PDGFRL: variants seen among roughly 807,000 people sequenced by gnomAD.
The protein encoded by PDGFRL is platelet derived growth factor receptor like, also known as platelet-derived growth factor receptor-like protein.
A neutral mutation model predicts 37.2 loss-of-function variants in PDGFRL; 46 were observed. The ratio of observed to expected loss-of-function variants is 1.24; its 90% CI spans 0.98 to 1.58. The LOEUF is 1.58. Among genes scored for constraint, PDGFRL ranks in the 40% most tolerant of loss-of-function variants. PDGFRL has a pLI of 0.00. For synonymous variants in PDGFRL, 251 were observed against 184.3 expected, an observed-to-expected ratio of 1.36 and a Z score of -2.93; for missense variants, 692 against 467.6, an observed-to-expected ratio of 1.48 and a Z score of -4.43.
intron 3 of PDGFRL, among the ~76,000 whole-genome samples, chr8:17,627,183 A>T (rs1804751058): frequency 6.6e-6 from 1 of 152,192 alleles, no homozygotes; most frequent in Admixed American, 6.5e-5. Flanking sequence ...CAAGCAGCAG[A>T]TGGTTTCAAG....
chr8:17,579,270 A>G (rs1554548077), intron 1 of PDGFRL, among the ~76,000 whole-genome samples: 1 of 152,200 alleles, frequency 6.6e-6, no homozygotes, highest in Non-Finnish European at 1.5e-5. Context: ...TAGTGAACAC[A>G]CAGTGCTTCA....
At chr8:17,632,758 C>T (rs1804889005) in intron 4 of PDGFRL, among the ~76,000 whole-genome samples, 1 of 152,098 alleles carries the variant, frequency 6.6e-6, no homozygotes, top group Non-Finnish European at 1.5e-5. Context: ...ATCCAGGTCT[C>T]ACTCCTCCCT....
At chr8:17,612,116 G>C (rs2129722728) in intron 2 of PDGFRL, among the ~76,000 whole-genome samples, 1 of 152,202 alleles carries the variant, frequency 6.6e-6, no homozygotes, top group Admixed American at 6.5e-5. Flanking sequence ...CCATTAATCA[G>C]AACAAAATAA....
At chr8:17,590,973 C>T (rs527494440) in intron 2 of PDGFRL, among the ~76,000 whole-genome samples, 8 of 151,594 alleles carry the variant, frequency 5.3e-5, no homozygotes, top group Non-Finnish European at 1.2e-4. Context: ...AGCTCCGCCT[C>T]CCGGGTTCAC....
At chr8:17,583,834 A>T (rs1803759822) in intron 1 of PDGFRL, among the ~76,000 whole-genome samples, 1 of 152,138 alleles carries the variant, frequency 6.6e-6, no homozygotes, top group South Asian at 2.1e-4. Flanking sequence ...ATCTCTGCAT[A>T]TACCTATTCT....
At chr8:17,635,283 C>T (rs1351910890) in intron 5 of PDGFRL, among the ~76,000 whole-genome samples, 5 of 151,762 alleles carry the variant, frequency 3.3e-5, no homozygotes, top group African/African-American at 1.2e-4. Flanking sequence ...TATCTCTCAC[C>T]CCTCCCCCCA....
At chr8:17,609,091 A>G (rs1459449504) in intron 2 of PDGFRL, among the ~76,000 whole-genome samples, 1 of 152,202 alleles carries the variant, frequency 6.6e-6, no homozygotes, top group Non-Finnish European at 1.5e-5. Flanking sequence ...ATATAGTGCT[A>G]CACCCTGTGG....
intron 2 of PDGFRL, among the ~76,000 whole-genome samples, chr8:17,600,469 A>G (rs1324641331): frequency 6.6e-6 from 1 of 152,072 alleles, no homozygotes; most frequent in Non-Finnish European, 1.5e-5. Flanking sequence ...TCTGAGCTCC[A>G]GACTGAGCTA....
At chr8:17,619,916 G>A (rs1308748676) in intron 2 of PDGFRL, among the ~76,000 whole-genome samples, 1 of 152,116 alleles carries the variant, frequency 6.6e-6, no homozygotes, top group East Asian at 1.9e-4. Context: ...TTTCCTTTGA[G>A]GAGAGGCTTT....
chr8:17,585,209 G>C (rs755522552), intron 1 of PDGFRL, among the ~76,000 whole-genome samples: 4 of 152,154 alleles, frequency 2.6e-5, no homozygotes, highest in Non-Finnish European at 5.9e-5. Flanking sequence ...GATTTGGCCA[G>C]ATTCTTTACC....
chr8:17,639,041 T>G (rs1805038947), intron 5 of PDGFRL, among the ~76,000 whole-genome samples: 1 of 151,518 alleles, frequency 6.6e-6, no homozygotes, highest in Non-Finnish European at 1.5e-5. Flanking sequence ...AGAGTGAGAC[T>G]CTGTCTCAAA....
At chr8:17,625,598 A>C (rs1243936743) in intron 3 of PDGFRL, among the ~76,000 whole-genome samples, 2 of 152,250 alleles carry the variant, frequency 1.3e-5, no homozygotes, top group African/African-American at 2.4e-5. Context: ...GTTATTGTTG[A>C]TGGAAGCTAC....
chr8:17,635,457 A>T (rs10103415), intron 5 of PDGFRL, among the ~76,000 whole-genome samples: 8,852 of 152,252 alleles, frequency 0.058, 688 homozygotes, highest in African/African-American at 0.18. Context: ...AAATGCCATT[A>T]TTTAATTCCT....
At chr8:17,591,278 C>T (rs1020673004) in intron 2 of PDGFRL, among the ~76,000 whole-genome samples, 6 of 152,090 alleles carry the variant, frequency 3.9e-5, no homozygotes, top group African/African-American at 1.4e-4. Context: ...TGAATGAGTA[C>T]CTTCAGGAGG....
At chr8:17,634,753 G>T (rs998622124) in intron 5 of PDGFRL, among the ~76,000 whole-genome samples, 1 of 152,138 alleles carries the variant, frequency 6.6e-6, no homozygotes, top group Non-Finnish European at 1.5e-5. Context: ...TCACTTTTAA[G>T]TGGGAGCTAA....
intron 1 of PDGFRL, among the ~76,000 whole-genome samples, chr8:17,586,263 G>GT (rs1803814310): frequency 6.6e-6 from 1 of 152,150 alleles, no homozygotes; most frequent in Admixed American, 6.5e-5. Flanking sequence ...TGGAGATGAG[G>GT]TTTTGACCAA....
At chr8:17,587,878 C>T (rs115301250) in intron 1 of PDGFRL, among the ~76,000 whole-genome samples, 1,853 of 152,194 alleles carry the variant, frequency 0.012, 40 homozygotes, top group African/African-American at 0.041. Flanking sequence ...GATCCACCTG[C>T]GTTGGCCTCC....
chr8:17,578,534 G>A (rs565693372), intron 1 of PDGFRL, among the ~76,000 whole-genome samples: 6 of 152,314 alleles, frequency 3.9e-5, no homozygotes, highest in Admixed American at 3.9e-4. Flanking sequence ...TTTGTAAAAT[G>A]CAATATTAAA....
chr8:17,577,115 C>G (rs1189087226), upstream of PDGFRL: 7 of 1,208,118 alleles, frequency 5.8e-6, no homozygotes, highest in African/African-American at 7.4e-5. Flanking sequence ...CTTTTTCCCC[C>G]AAACCTTGTT....
Sources: gnomAD v4.1 joint callset for allele counts (sites outside exome capture counted in the v4.1 genomes callset) on GRCh38, gnomAD v4.1.1 for gene constraint, MANE v1.5 for transcripts, NCBI Gene and HGNC (gene_info 2026-07-23, HGNC 2026-07-21) for gene names.